TRPC6: variants seen among roughly 807,000 people sequenced by gnomAD.
TRPC6 encodes short transient receptor potential channel 6.
In TRPC6, 55 loss-of-function variants were observed where a neutral mutation model predicts 90.7. The observed-to-expected ratio is 0.61, with a 90% CI of 0.49 to 0.76. The LOEUF (loss-of-function observed/expected upper bound fraction) is 0.76. Among genes scored for constraint, TRPC6 ranks in the 30% least tolerant of loss-of-function variants. The pLI is 0.00. For missense variants in TRPC6, 989 were observed against 1,122.7 expected (o/e 0.88, Z 1.70); for synonymous variants, 393 against 393.0 (o/e 1.00, Z 0.00).
intron 1 of TRPC6, among the ~76,000 whole-genome samples, chr11:101,506,986 A>C (rs1860283250): frequency 6.9e-6 from 1 of 144,990 alleles, no homozygotes; most frequent in African/African-American, 2.6e-5. Context: ...CCATACCTTC[A>C]CGTATCTCTC....
intron 1 of TRPC6, among the ~76,000 whole-genome samples, chr11:101,542,871 C>G (rs1861209129): frequency 6.6e-6 from 1 of 151,898 alleles, no homozygotes; most frequent in South Asian, 2.1e-4. Context: ...ATCTTTGTGA[C>G]CTTAGATTAG....
At chr11:101,563,966 G>A (rs1225976214) in intron 1 of TRPC6, among the ~76,000 whole-genome samples, 2 of 151,746 alleles carry the variant, frequency 1.3e-5, no homozygotes, top group East Asian at 3.9e-4. Context: ...TGAAGCTACA[G>A]AAACAGAATG....
At chr11:101,471,077 A>G in intron 9 of TRPC6, 106 bp downstream of exon 9, 2 of 1,094,282 alleles carry the variant, frequency 1.8e-6, no homozygotes, top group Non-Finnish European at 2.7e-6. Flanking sequence ...TATGGGAATG[A>G]ATGGATGTGT....
chr11:101,465,258 A>T (rs1262802693), intron 10 of TRPC6, among the ~76,000 whole-genome samples: 2 of 151,956 alleles, frequency 1.3e-5, no homozygotes, highest in Non-Finnish European at 2.9e-5. Flanking sequence ...TCTGATGATT[A>T]TGTGTCTTGG....
At chr11:101,582,328 G>A (rs1862215647) in intron 1 of TRPC6, among the ~76,000 whole-genome samples, 2 of 152,114 alleles carry the variant, frequency 1.3e-5, no homozygotes, top group Non-Finnish European at 2.9e-5. Context: ...GCGCCTATGG[G>A]GTGGAATCCT....
chr11:101,494,333 T>C (rs929714198), intron 2 of TRPC6, among the ~76,000 whole-genome samples: 1 of 152,172 alleles, frequency 6.6e-6, no homozygotes, highest in African/African-American at 2.4e-5. Context: ...ATTTTATAGG[T>C]AAGAACACTG....
At chr11:101,491,962 T>TC (rs1206915744) in intron 2 of TRPC6, among the ~76,000 whole-genome samples, 1 of 146,372 alleles carries the variant, frequency 6.8e-6, no homozygotes, top group Non-Finnish European at 1.5e-5. Flanking sequence ...TGCCTCAGCC[T>TC]CCCGAGTAGC....
At chr11:101,503,283 A>C (rs1860174624) in intron 2 of TRPC6, among the ~76,000 whole-genome samples, 1 of 152,148 alleles carries the variant, frequency 6.6e-6, no homozygotes, top group Non-Finnish European at 1.5e-5. Context: ...TTGACTGGTC[A>C]AAGTTCTAAT....
At chr11:101,531,069 C>G (rs190028091) in intron 1 of TRPC6, among the ~76,000 whole-genome samples, 2 of 152,162 alleles carry the variant, frequency 1.3e-5, no homozygotes, top group East Asian at 3.9e-4. Flanking sequence ...ACAGAGTAAC[C>G]TAATGTTGCT....
intron 1 of TRPC6, among the ~76,000 whole-genome samples, chr11:101,513,037 T>C (rs552673744): frequency 6.6e-6 from 1 of 152,256 alleles, no homozygotes; most frequent in East Asian, 1.9e-4. Context: ...TCTAGGACAA[T>C]GTAGGCTTAA....
At chr11:101,510,084 CA>C (rs1054750212) in intron 1 of TRPC6, among the ~76,000 whole-genome samples, 3 of 152,066 alleles carry the variant, frequency 2.0e-5, no homozygotes. Flanking sequence ...GTTGACAGAA[CA>C]AAACGCATGC....
At position 101,469,425 on chromosome 11, in the gene TRPC6, A is replaced by C. The variant is rs1427927285; in HGVS notation, c.2484+2T>G. On this transcript the variant is annotated splice_donor_variant, in intron 10 of 12. Coordinates refer to ENST00000344327, the MANE Select transcript of TRPC6 (RefSeq NM_004621.6). LOFTEE classifies it high-confidence loss of function. ...ACTTCATATTTTCAAATATGAGCTTACCTGTTTTTTGTCAAGTGATAATTT... is the reference window on the plus strand; with the variant it reads ...ACTTCATATTTTCAAATATGAGCTTCCCTGTTTTTTGTCAAGTGATAATTT... 2.6e-6 allele frequency: 2 copies of C among 770,232 alleles called. No homozygotes were observed. The highest frequency in any genetic ancestry group is 2.7e-5 in the South Asian group (2 of 73,390). The allele number at this position is 770,232 out of a possible 1,614,324, so 47.7% of individuals were successfully genotyped here. A position where few individuals can be genotyped will look rare whatever the true frequency, so the allele number is the denominator to read the frequency against.
chr11:101,509,472 C>T (rs1860349874), intron 1 of TRPC6, among the ~76,000 whole-genome samples: 1 of 152,196 alleles, frequency 6.6e-6, no homozygotes, highest in African/African-American at 2.4e-5. Flanking sequence ...ATCTGGTTTA[C>T]AAAATTTTAT....
chr11:101,516,019 T>C (rs1452584213), intron 1 of TRPC6, among the ~76,000 whole-genome samples: 1 of 151,890 alleles, frequency 6.6e-6, no homozygotes, highest in Admixed American at 6.6e-5. Context: ...GAGGAAATGT[T>C]TGGAGATCAC....
At position 101,583,396 on chromosome 11, in the gene TRPC6, C is replaced by T. The variant is rs757274293; in HGVS notation, c.108G>A (p.Ser36=). 1 of 1,589,478 alleles carries T rather than the reference C, an allele frequency of 6.3e-7. No homozygotes were observed. The highest frequency in any genetic ancestry group is 8.6e-7 in the Non-Finnish European group (1 of 1,167,910). ...GCGGGCAGCCGTCTTCTCCCAGCTC[C>T]GAGTCCATGAGCAGATAGTCCTGGC... The part of the protein sequence containing the change: ...NESQDYLLMD[S]ELGEDGCPQA... The change falls in exon 1 of 13, where the codon TCG becomes TCA. Residue 36 remains serine, a synonymous_variant. Transcript: ENST00000344327.
At chr11:101,517,517 C>A (rs1860551094) in intron 1 of TRPC6, among the ~76,000 whole-genome samples, 1 of 152,140 alleles carries the variant, frequency 6.6e-6, no homozygotes, top group Non-Finnish European at 1.5e-5. Flanking sequence ...TTTATTACTG[C>A]CATTAGTCAC....
intron 1 of TRPC6, among the ~76,000 whole-genome samples, chr11:101,567,613 G>C (rs780023063): frequency 6.6e-5 from 10 of 152,172 alleles, no homozygotes; most frequent in Non-Finnish European, 1.2e-4. Context: ...TCAAACAGGA[G>C]AGCTCTGGCT....
chr11:101,580,294 A>G (rs1862166370), intron 1 of TRPC6, among the ~76,000 whole-genome samples: 2 of 152,194 alleles, frequency 1.3e-5, no homozygotes, highest in African/African-American at 4.8e-5. Context: ...TTCTAAATAA[A>G]GGAAATCTGA....
intron 4 of TRPC6, among the ~76,000 whole-genome samples, chr11:101,487,518 T>TCC (rs771123979): frequency 1.5e-3 from 222 of 152,154 alleles, no homozygotes; most frequent in Admixed American, 1.4e-3. Flanking sequence ...TCACCACCTG[T>TCC]CCCTCCCCTC....
Sources: gnomAD v4.1 joint callset for allele counts (sites outside exome capture counted in the v4.1 genomes callset) on GRCh38, gnomAD v4.1.1 for gene constraint, MANE v1.5 for transcripts, NCBI Gene and HGNC (gene_info 2026-07-23, HGNC 2026-07-21) for gene names.